Variants in C10orf90 observed in about 807,000 individuals in gnomAD.
C10orf90 encodes chromosome 10 open reading frame 90, also known as (E2-independent) E3 ubiquitin-conjugating enzyme FATS.
In C10orf90, 56 loss-of-function variants were observed where a neutral mutation model predicts 62.5. That is an observed-to-expected ratio of 0.90 (90% CI 0.72 to 1.12). The LOEUF is 1.12. C10orf90 is among the 50% of genes most tolerant of loss of function. The pLI is 0.00. For missense variants in C10orf90, 970 were observed against 880.4 expected (o/e 1.10, Z -1.29); for synonymous variants, 386 against 340.4 (o/e 1.13, Z -1.47).
intron 2 of C10orf90, among the ~76,000 whole-genome samples, chr10:126,637,585 A>G (rs1163574904): frequency 6.6e-6 from 1 of 152,240 alleles, no homozygotes; most frequent in Non-Finnish European, 1.5e-5. Flanking sequence ...CCGATTGGTC[A>G]TGACATCGGG....
intron 2 of C10orf90, among the ~76,000 whole-genome samples, chr10:126,551,488 C>A (rs1305422256): frequency 6.6e-6 from 1 of 152,026 alleles, no homozygotes; most frequent in African/African-American, 2.4e-5. Flanking sequence ...GGATTGAATT[C>A]CTGAATGGTT....
chr10:126,545,367 T>C (rs1342138226), intron 2 of C10orf90, among the ~76,000 whole-genome samples: 1 of 152,220 alleles, frequency 6.6e-6, no homozygotes, highest in Non-Finnish European at 1.5e-5. Context: ...ATTAATTCCT[T>C]GTTCTTCCCC....
chr10:126,559,554 A>C (rs1464461698), intron 2 of C10orf90, among the ~76,000 whole-genome samples: 2 of 152,160 alleles, frequency 1.3e-5, no homozygotes, highest in Non-Finnish European at 2.9e-5. Flanking sequence ...GAGGCTATGG[A>C]TCCATCCATC....
At chr10:126,664,947 A>G (rs1846596485) in intron 1 of C10orf90, among the ~76,000 whole-genome samples, 1 of 152,202 alleles carries the variant, frequency 6.6e-6, no homozygotes, top group Non-Finnish European at 1.5e-5. Flanking sequence ...AAGTACAGCC[A>G]TTTCATTTCC....
chr10:126,585,017 C>A (rs118124898), intron 2 of C10orf90, among the ~76,000 whole-genome samples: 1 of 151,888 alleles, frequency 6.6e-6, no homozygotes, highest in Non-Finnish European at 1.5e-5. Flanking sequence ...GGAGAGCTAC[C>A]GTGATATCAG....
At chr10:126,455,284 C>A (rs1027340147) in intron 7 of C10orf90, among the ~76,000 whole-genome samples, 12 of 152,202 alleles carry the variant, frequency 7.9e-5, no homozygotes, top group Admixed American at 7.9e-4. Flanking sequence ...CTGCATGTCC[C>A]CAGCCTCCTT....
At chr10:126,486,760 T>C (rs1861456380) in intron 4 of C10orf90, among the ~76,000 whole-genome samples, 1 of 151,970 alleles carries the variant, frequency 6.6e-6, no homozygotes, top group Non-Finnish European at 1.5e-5. Flanking sequence ...AGAATATTAA[T>C]CTAAAAAATT....
chr10:126,586,865 C>T (rs1167602457), intron 2 of C10orf90, among the ~76,000 whole-genome samples: 1 of 152,148 alleles, frequency 6.6e-6, no homozygotes. Context: ...CACCCCCCAG[C>T]CTCAGGGATC....
chr10:126,612,091 C>T (rs964825106), intron 2 of C10orf90, among the ~76,000 whole-genome samples: 8 of 152,182 alleles, frequency 5.3e-5, no homozygotes, highest in South Asian at 2.1e-4. Context: ...GAGGCTGCGG[C>T]GGACAGATCA....
intron 2 of C10orf90, among the ~76,000 whole-genome samples, chr10:126,596,885 T>A (rs1481999949): frequency 6.6e-6 from 1 of 152,106 alleles, no homozygotes; most frequent in African/African-American, 2.4e-5. Context: ...TTTTGAGAAA[T>A]GAGGTAAAGA....
intron 2 of C10orf90, among the ~76,000 whole-genome samples, chr10:126,635,008 T>C (rs1316674431): frequency 6.6e-6 from 1 of 152,202 alleles, no homozygotes; most frequent in African/African-American, 2.4e-5. Flanking sequence ...TTTTCAAAGC[T>C]GTCCAAGAAC....
chr10:126,538,281 T>C (rs1430078001), intron 2 of C10orf90, among the ~76,000 whole-genome samples: 2 of 152,178 alleles, frequency 1.3e-5, no homozygotes. Flanking sequence ...ATGATTCAAT[T>C]ACCTCCCACA....
intron 2 of C10orf90, among the ~76,000 whole-genome samples, chr10:126,567,159 A>AT (rs1379176868): frequency 6.6e-6 from 1 of 152,130 alleles, no homozygotes; most frequent in Non-Finnish European, 1.5e-5. Context: ...AAAGAAATAC[A>AT]TAAGACTGGG....
Position 126,469,901 on chromosome 10 carries a change from C to T in C10orf90, c.1535-4915G>A, listed in dbSNP as rs749318293. ...ACTCTCCTTTGCTGTCTCCTTTTGG[C>T]AAGCGAGAGGCTGCTGCAGAGGGGA... On this transcript the variant is annotated intron_variant, in intron 4 of 9. Transcript: ENST00000488181. 20 of 456,642 alleles carry T rather than the reference C, an allele frequency of 4.4e-5. No homozygotes were observed. The Admixed American group carries it at 4.5e-4, about 10-fold the overall frequency. 28.3% of individuals were successfully genotyped at this position (456,642 alleles called of 1,614,324 possible). A position where few individuals can be genotyped will look rare whatever the true frequency, so the allele number is the denominator to read the frequency against.
chr10:126,640,240 G>C (rs886399390), intron 2 of C10orf90, among the ~76,000 whole-genome samples: 1 of 152,252 alleles, frequency 6.6e-6, no homozygotes, highest in Non-Finnish European at 1.5e-5. Flanking sequence ...GGGAGCCTCT[G>C]TCCCTCTCAA....
At chr10:126,481,137 A>T (rs1001073849) in intron 4 of C10orf90, among the ~76,000 whole-genome samples, 9 of 152,206 alleles carry the variant, frequency 5.9e-5, no homozygotes, top group African/African-American at 2.2e-4. Context: ...GGCTCCTTCC[A>T]TCATCTGCAG....
intron 2 of C10orf90, among the ~76,000 whole-genome samples, chr10:126,642,388 C>G (rs375410620): frequency 6.6e-6 from 1 of 152,010 alleles, no homozygotes; most frequent in South Asian, 2.1e-4. Flanking sequence ...AAAAATTAGC[C>G]GGGCGTGGTG....
rs1377672996 is a variant in C10orf90, at chr10:126,565,145, A to ACAT, written c.314-51207_314-51206insATG. On this transcript the variant is annotated intron_variant, in intron 2 of 9. Coordinates refer to ENST00000488181, the MANE Select transcript of C10orf90 (RefSeq NM_001350921.2). ...TAATATATAATATAAATATAATATTAAATATGTAATATAATATTTATATTA... is the reference window on the plus strand; with the variant it reads ...TAATATATAATATAAATATAATATTACATAATATGTAATATAATATTTATATTA... Among the ~76,000 whole-genome samples, 11 of 5,812 alleles carry ACAT rather than the reference A, an allele frequency of 1.9e-3. 1 individual carries two copies. The highest frequency in any genetic ancestry group is 7.2e-3 in the Admixed American group (2 of 276). The allele number at this position is 5,812 out of a possible 152,430, so 3.8% of individuals were successfully genotyped here. A position where few individuals can be genotyped will look rare whatever the true frequency, so the allele number is the denominator to read the frequency against.
chr10:126,427,105 T>C (rs992120131), intron 8 of C10orf90, among the ~76,000 whole-genome samples: 2 of 152,204 alleles, frequency 1.3e-5, no homozygotes, highest in African/African-American at 4.8e-5. Flanking sequence ...CACCCAACCA[T>C]AATATGGCAT....
Sources: allele counts gnomAD v4.1 joint callset (sites outside exome capture counted in the v4.1 genomes callset), GRCh38; gene constraint gnomAD v4.1.1; transcripts MANE v1.5; gene names NCBI Gene and HGNC (gene_info 2026-07-23, HGNC 2026-07-21).